SLC22A6: variants seen among roughly 807,000 people sequenced by gnomAD.
SLC22A6 encodes the protein PAH transporter.
A neutral mutation model predicts 56.7 loss-of-function variants in SLC22A6; 45 were observed. The ratio of observed to expected loss-of-function variants is 0.79; its 90% CI spans 0.63 to 1.02. The LOEUF (loss-of-function observed/expected upper bound fraction) is 1.02, where lower values mean the gene tolerates loss of function less well. SLC22A6 is among the 50% of genes least tolerant of loss of function. SLC22A6 has a pLI of 0.00. For missense variants in SLC22A6, 606 were observed against 713.8 expected, an observed-to-expected ratio of 0.85 and a Z score of 1.72; for synonymous variants, 291 against 295.9, an observed-to-expected ratio of 0.98 and a Z score of 0.17.
chr11:62,977,345 G>T lies in SLC22A6; in HGVS notation c.1404C>A (p.Gly468=), dbSNP rs144269461. The T allele has an allele frequency of 4.0e-5, 65 of 1,612,590 alleles. No homozygotes were observed. The Middle Eastern group carries it at 4.9e-4, about 12-fold the overall frequency. ...MGMGSTMARV[G]SIVSPLVSMT... Reference sequence around the variant, plus strand: ...TGCTCACCAGTGGGCTCACGATGCTGCCCACTCGGGCCATGGTGCTGCCCA... The same window carrying T: ...TGCTCACCAGTGGGCTCACGATGCTTCCCACTCGGGCCATGGTGCTGCCCA... Residue 468 remains glycine (G), a synonymous_variant, in exon 9 of 10, where the codon GGC becomes GGA. Transcript: ENST00000360421.
Position 62,983,669 on chromosome 11 carries a change from T to G in SLC22A6, c.496A>C (p.Ile166Leu). 6.2e-7 allele frequency: 1 copy of G among 1,611,700 alleles called. No individual in the cohort carries two copies. Among genetic ancestry groups the G allele is most frequent in the Non-Finnish European group, 8.5e-7 (1 of 1,179,182 alleles). ...ACAGCTGTCTGCAGGTAGTTCAAGA[T>G]GAGTACCTTCCGGCGGCCTAGCCTG... is the stretch of plus-strand genomic sequence containing the variant. ...ADRLGRRKVL[I>L]LNYLQTAVSG... Residue 166 changes from isoleucine to leucine, a missense_variant, in exon 3 of 10, where the codon ATC becomes CTC. Ile to Leu is a conservative substitution (Grantham distance 5). Coordinates refer to ENST00000360421, the MANE Select transcript of SLC22A6 (RefSeq NM_153276.3). This position sits in a 1 kb window ranked among gnomAD's most constrained non-coding sequence, Gnocchi z 4.5.
rs2086282944 is a variant in SLC22A6 at position 62,983,725 on chromosome 11, T to A, written c.474-34A>T. 2 of 1,577,012 alleles carry A rather than the reference T, an allele frequency of 1.3e-6. No homozygotes were observed. Among genetic ancestry groups the A allele is most frequent in the Non-Finnish European group, 1.7e-6 (2 of 1,160,656 alleles). On this transcript the variant is annotated intron_variant, in intron 2 of 9. Transcript: ENST00000360421. The surrounding 1 kb of genome is among the most constrained non-coding windows in gnomAD (Gnocchi z 4.5). ...GGAGGGGAGACTTGTAGCAGGGCCCTGGAGACTGATGGGGGTCAGGCTGAG... is the reference window on the plus strand; with the variant it reads ...GGAGGGGAGACTTGTAGCAGGGCCCAGGAGACTGATGGGGGTCAGGCTGAG...
chr11:62,984,235 A>T, intron 1 of SLC22A6, 87 bp downstream of exon 1: 1 of 1,484,314 alleles, frequency 6.7e-7, no homozygotes, highest in Non-Finnish European at 9.1e-7. Flanking sequence ...CTCAGCAGTT[A>T]ATTTCTCCAT....
At position 62,984,492 on chromosome 11, in the gene SLC22A6, G is replaced by T. The variant is rs1202321551; in HGVS notation, c.199C>A (p.Leu67Met). ...LSKNGGLEVW[L>M]PRDRQGQPES... ...GGCTGCCCCTGCCTGTCCCGGGGCA[G>T]CCAGACCTCCAGCCCCCCGTTCTTG... The change falls in exon 1 of 10, where the codon CTG becomes ATG. Residue 67 changes from leucine (L) to methionine (M), a missense_variant. Transcript: ENST00000360421. 2.5e-6 allele frequency: 4 copies of T among 1,613,828 alleles called. No homozygotes were observed. The highest frequency in any genetic ancestry group is 3.4e-6 in the Non-Finnish European group (4 of 1,179,972).
At chr11:62,982,850 G>A (rs1403307422) in intron 3 of SLC22A6, among the ~76,000 whole-genome samples, 4 of 152,114 alleles carry the variant, frequency 2.6e-5, no homozygotes, top group African/African-American at 7.2e-5. Flanking sequence ...AAAAAACTGG[G>A]TTATTTTACA....
At position 62,979,580 on chromosome 11, in the gene SLC22A6, T is replaced by C; in HGVS notation, c.1269A>G (p.Arg423=). The change falls in exon 8 of 10, where the codon CGA becomes CGG. Residue 423 remains arginine, a synonymous_variant. Transcript: ENST00000360421. ...GVIPQDQSIV[R]TSLAVLGKGC... ...CCTTCCCCAGCACAGCAAGAGAGGT[T>C]CGGACAATGGACTGGTCTAGAGAGA... 6.2e-7 allele frequency: 1 copy of C among 1,614,022 alleles called. No homozygotes were observed. Among genetic ancestry groups the C allele is most frequent in the Non-Finnish European group, 8.5e-7 (1 of 1,179,932 alleles).
chr11:62,984,115 C>T (rs1055987289), intron 1 of SLC22A6, 68 bp from the exon 2 acceptor site: 41 of 1,270,030 alleles, frequency 3.2e-5, no homozygotes, highest in Non-Finnish European at 4.2e-5. Flanking sequence ...TCCCCCACTT[C>T]AGCTGGTCCT....
Position 62,981,979 on chromosome 11 carries a change from G to A in SLC22A6, c.660C>T (p.Ala220=). The change falls in exon 4 of 10, where the codon GCC becomes GCT. Residue 220 remains alanine, a synonymous_variant. Transcript: ENST00000360421. ...CATAGCCAATCAAGGTGCCCACGCA[G>A]GCCCGTGTGTGAATGGGCATCCACT... ...NVEWMPIHTR[A]CVGTLIGYVY... 6.2e-7 allele frequency: 1 copy of A among 1,614,128 alleles called. No individual in the cohort carries two copies. Among genetic ancestry groups the A allele is most frequent in the Non-Finnish European group, 8.5e-7 (1 of 1,179,992 alleles).
At position 62,979,948 on chromosome 11, in the gene SLC22A6, C is replaced by A. The variant is rs1565285294; in HGVS notation, c.1038G>T (p.Trp346Cys). ...RHLFLCLSML[W>C]FATSFAYYGL... ...CATAGTATGCAAAGCTAGTGGCAAA[C>A]CTAGCAGAGAGAAGAGAGGAGTATG... The change falls in exon 7 of 10, where the codon TGG becomes TGT. Residue 346 changes from tryptophan to cysteine, a missense_variant and splice_region_variant. Trp to Cys is a radical substitution (Grantham distance 215). Transcript: ENST00000360421. 2 of 1,611,676 alleles carry A rather than the reference C, an allele frequency of 1.2e-6. No individual in the cohort carries two copies. The highest frequency in any genetic ancestry group is 1.7e-6 in the Non-Finnish European group (2 of 1,177,812).
At chr11:62,980,722 C>A (rs555102883) in intron 6 of SLC22A6, among the ~76,000 whole-genome samples, 1 of 152,326 alleles carries the variant, frequency 6.6e-6, no homozygotes, top group South Asian at 2.1e-4. Context: ...CTCTGGAGCC[C>A]ACTGGTCCTG....
Position 62,983,299 on chromosome 11 carries a change from C to A in SLC22A6, c.628+238G>T, listed in dbSNP as rs1441480907. Reference sequence around the variant, plus strand: ...GACCTCGTGATCTGCCCGCCTCGGCCTCCGAAAGTGCTGGGATTACAGGTG... The same window carrying A: ...GACCTCGTGATCTGCCCGCCTCGGCATCCGAAAGTGCTGGGATTACAGGTG... On this transcript the variant is annotated intron_variant, in intron 3 of 9. Transcript: ENST00000360421. The surrounding 1 kb of genome is among the most constrained non-coding windows in gnomAD (Gnocchi z 4.5). Among the ~76,000 whole-genome samples, 1 of 152,150 alleles carries A rather than the reference C, an allele frequency of 6.6e-6. No individual in the cohort carries two copies. Among genetic ancestry groups the A allele is most frequent in the Non-Finnish European group, 1.5e-5 (1 of 68,032 alleles).
At chr11:62,982,872 G>A (rs1002316364) in intron 3 of SLC22A6, among the ~76,000 whole-genome samples, 1 of 152,204 alleles carries the variant, frequency 6.6e-6, no homozygotes, top group African/African-American at 2.4e-5. Context: ...TAATCAAAGA[G>A]GAGGGGGAAG....
At chr11:62,982,996 C>T (rs2086272092) in intron 3 of SLC22A6, among the ~76,000 whole-genome samples, 2 of 152,086 alleles carry the variant, frequency 1.3e-5, no homozygotes, top group East Asian at 3.9e-4. Context: ...CCTCCTGCAC[C>T]TGGCCGTCTT....
At chr11:62,984,206 T>C in intron 1 of SLC22A6, 116 bp downstream of exon 1, 1 of 1,381,222 alleles carries the variant, frequency 7.2e-7, no homozygotes, top group Non-Finnish European at 9.8e-7. Flanking sequence ...TTTTTCTTTT[T>C]AACTCAGCAG....
In SLC22A6 at chr11:62,977,317, T is replaced by A. The variant is rs1204474039; in HGVS notation, c.1432A>T (p.Thr478Ser). The A allele has an allele frequency of 6.2e-7, 1 of 1,613,610 alleles. No homozygotes were observed. ...GSIVSPLVSMTAELYPSMPLF... is the reference protein window; with the variant it reads ...GSIVSPLVSMSAELYPSMPLF... ...GGCATGGAGGGGTAGAGCTCGGCAG[T>A]CATGCTCACCAGTGGGCTCACGATG... is the stretch of plus-strand genomic sequence containing the variant. Residue 478 changes from threonine (T) to serine (S), a missense_variant, in exon 9 of 10, where the codon ACT becomes TCT. Transcript: ENST00000360421.
At chr11:62,981,181 C>A in intron 5 of SLC22A6, 79 bp downstream of exon 5, 1 of 1,603,202 alleles carries the variant, frequency 6.2e-7, no homozygotes, top group East Asian at 2.2e-5. Context: ...AGAGGAGTTC[C>A]CTGGGCCCTG....
chr11:62,978,204 T>C (rs1056054613), intron 8 of SLC22A6, among the ~76,000 whole-genome samples: 1 of 152,326 alleles, frequency 6.6e-6, no homozygotes, highest in African/African-American at 2.4e-5. Flanking sequence ...CACAGGACCA[T>C]GACCCTCAGG....
At chr11:62,981,148 C>T in intron 5 of SLC22A6, 48 bp from the exon 6 acceptor site, 1 of 1,605,650 alleles carries the variant, frequency 6.2e-7, no homozygotes, top group South Asian at 1.1e-5. Context: ...CCAAGGAGCT[C>T]CTCCCAGCCT....
intron 9 of SLC22A6, 75 bp from the exon 10 acceptor site, chr11:62,976,956 G>T: frequency 6.4e-7 from 1 of 1,553,700 alleles, no homozygotes; most frequent in Non-Finnish European, 8.9e-7. Context: ...GGCTCCCAGG[G>T]GGTCTCCGCT....
Sources: gnomAD v4.1 joint callset for allele counts (sites outside exome capture counted in the v4.1 genomes callset) on GRCh38, gnomAD v4.1.1 for gene constraint, Gnocchi (gnomAD v3.1) non-coding constraint, MANE v1.5 for transcripts, NCBI Gene and HGNC (gene_info 2026-07-23, HGNC 2026-07-21) for gene names.